The following STX16 variants were observed in gnomAD, a reference collection of about 807,000 sequenced individuals.
STX16 encodes syntaxin 16.
In STX16, 28 loss-of-function variants were observed where a neutral mutation model predicts 42.7. The ratio of observed to expected loss-of-function variants is 0.66; its 90% confidence interval spans 0.49 to 0.90. The LOEUF is 0.90. STX16 is among the 40% of genes least tolerant of loss of function. The probability of loss-of-function intolerance (pLI) is 0.00; values close to 1 mark genes in which losing one functional copy is unlikely to be tolerated. For missense variants in STX16, 361 were observed against 420.9 expected (o/e 0.86, Z 1.24); for synonymous variants, 156 against 155.2 (o/e 1.00, Z -0.04).
At chr20:58,660,344 A>T (rs2083670429) in intron 2 of STX16, among the ~76,000 whole-genome samples, 1 of 152,212 alleles carries the variant, frequency 6.6e-6, no homozygotes, top group Admixed American at 6.5e-5. Flanking sequence ...ATTTTTCCTG[A>T]GTATAGACCT....
At chr20:58,664,435 A>G (rs943182738) in intron 2 of STX16, among the ~76,000 whole-genome samples, 17 of 152,244 alleles carry the variant, frequency 1.1e-4, no homozygotes, top group African/African-American at 4.1e-4. Flanking sequence ...CGCTATTTAA[A>G]GTTTTCATTC....
intron 2 of STX16, among the ~76,000 whole-genome samples, chr20:58,665,025 A>G (rs1328719696): frequency 6.6e-6 from 1 of 152,210 alleles, no homozygotes; most frequent in Non-Finnish European, 1.5e-5. Flanking sequence ...TGTAGACAGC[A>G]CCTGATGTAT....
intron 8 of STX16, 83 bp from the exon 9 acceptor site, chr20:58,676,103 TG>T: frequency 9.1e-7 from 1 of 1,096,716 alleles, no homozygotes. Flanking sequence ...CAGAGAGATC[TG>T]GAAGCCTCAT....
At chr20:58,672,200 T>A (rs2083994844) in intron 7 of STX16, among the ~76,000 whole-genome samples, 2 of 152,064 alleles carry the variant, frequency 1.3e-5, no homozygotes, top group South Asian at 4.1e-4. Flanking sequence ...CTGGGCATGG[T>A]GGCAGGTGCC....
In STX16 at chr20:58,676,231, A is replaced by G; in HGVS notation, c.918A>G (p.Leu306=). The G allele has an allele frequency of 6.2e-7, 1 of 1,614,154 alleles. No homozygotes were observed. Among genetic ancestry groups the G allele is most frequent in the Middle Eastern group, 1.6e-4 (1 of 6,062 alleles). Residue 306 remains leucine, a synonymous_variant, in exon 9 of 9, where the codon TTA becomes TTG. Coordinates refer to ENST00000371141, the MANE Select transcript of STX16 (RefSeq NM_001001433.3). The part of the protein sequence containing the change: ...QKKNRKMLVI[L]ILFVIIIVLI... ...AGAATCGGAAGATGCTTGTGATTTTAATATTATTTGTCATCATCATTGTGC... is the reference window on the plus strand; with the variant it reads ...AGAATCGGAAGATGCTTGTGATTTTGATATTATTTGTCATCATCATTGTGC...
chr20:58,653,589 G>A (rs1237585703), intron 1 of STX16, among the ~76,000 whole-genome samples: 8 of 152,116 alleles, frequency 5.3e-5, no homozygotes, highest in Admixed American at 5.2e-4. Context: ...CATAGAAACA[G>A]GCTAATTCTA....
intron 2 of STX16, among the ~76,000 whole-genome samples, chr20:58,660,713 CTTTTTTTTTT>C (rs10706096): frequency 0.013 from 939 of 70,750 alleles, 15 homozygotes; most frequent in Middle Eastern, 0.077. Context: ...ATTCCTGCTC[CTTTTTTTTTT>C]TTTTTTTTTT....
chr20:58,673,433 C>G (rs1485281557), intron 7 of STX16, among the ~76,000 whole-genome samples, 198 bp from the exon 8 acceptor site: 2 of 152,294 alleles, frequency 1.3e-5, no homozygotes, highest in Non-Finnish European at 2.9e-5. Flanking sequence ...TGTGATGGCA[C>G]TAACCAGCAT....
rs2083867276 is a variant in STX16 at position 58,667,601 on chromosome 20, A to G, written c.252+4A>G. 6.2e-7 allele frequency: 1 copy of G among 1,609,536 alleles called. No homozygotes were observed. On this transcript the variant is annotated splice_donor_region_variant and intron_variant, in intron 3 of 8. Coordinates refer to ENST00000371141, the MANE Select transcript of STX16 (RefSeq NM_001001433.3). ...GTGGGTGGATGGAGTGGATGAAGTAAGTTCCATGTTAGTTTCATAGCATCT... is the reference window on the plus strand; with the variant it reads ...GTGGGTGGATGGAGTGGATGAAGTAGGTTCCATGTTAGTTTCATAGCATCT...
rs1334911747 is a variant in STX16, at chr20:58,657,797, G to T, written c.133-1826G>T. Among the ~76,000 whole-genome samples the T allele has an allele frequency of 6.6e-6, 1 of 152,124 alleles. No individual in the cohort carries two copies. Among genetic ancestry groups the T allele is most frequent in the Non-Finnish European group, 1.5e-5 (1 of 68,022 alleles). ...TCTATTTTTAAATAGCAGAATGGTG[G>T]GGAGGGTCTTTGAAAAGGTGACCTT... On this transcript the variant is annotated intron_variant, in intron 1 of 8. Transcript: ENST00000371141. This position sits in a 1 kb window ranked among gnomAD's most constrained non-coding sequence, Gnocchi z 4.2.
At chr20:58,674,543 G>T (rs765548316) in intron 8 of STX16, among the ~76,000 whole-genome samples, 4 of 152,120 alleles carry the variant, frequency 2.6e-5, no homozygotes, top group African/African-American at 9.7e-5. Context: ...GAAATCAGTC[G>T]CTTCCTATAC....
chr20:58,663,764 G>A (rs748657468), intron 2 of STX16, among the ~76,000 whole-genome samples: 5 of 152,080 alleles, frequency 3.3e-5, no homozygotes, highest in Non-Finnish European at 7.4e-5. Flanking sequence ...TGCAACTTCT[G>A]CCTTCCGGGT....
chr20:58,651,982 A>G lies in STX16; in HGVS notation c.-25A>G. ...AATATAAGTGGGCGGGGGGCCCCTG[A>G]GAGGGGGGTCGCAAAGGGTGAGACA... On this transcript the variant is annotated 5_prime_UTR_variant, in exon 1 of 9. Transcript: ENST00000371141. The G allele has an allele frequency of 6.2e-7, 1 of 1,612,518 alleles. No individual in the cohort carries two copies. The highest frequency in any genetic ancestry group is 8.5e-7 in the Non-Finnish European group (1 of 1,178,666).
In STX16 at chr20:58,674,842, T is replaced by G. The variant is rs2084065096; in HGVS notation, c.873+1131T>G. On this transcript the variant is annotated intron_variant, in intron 8 of 8. Transcript: ENST00000371141. ...GATGTGCTGCTGAATTATGCATTGG[T>G]TTTGAAGTTTCTTAAATAAAAACTA... Among the ~76,000 whole-genome samples, 4 of 152,224 alleles carry G rather than the reference T, an allele frequency of 2.6e-5. No homozygotes were observed. In the South Asian group the frequency reaches 8.3e-4, roughly 31 times the overall value.
chr20:58,653,957 T>C (rs930607727), intron 1 of STX16, among the ~76,000 whole-genome samples: 3 of 151,874 alleles, frequency 2.0e-5, no homozygotes, highest in Admixed American at 6.6e-5. Flanking sequence ...CTTTAGAAAA[T>C]TATTTTCTAA....
At chr20:58,666,536 C>G (rs1340846212) in intron 2 of STX16, among the ~76,000 whole-genome samples, 1 of 148,894 alleles carries the variant, frequency 6.7e-6, no homozygotes, top group Non-Finnish European at 1.5e-5. Flanking sequence ...TCAAGGGATT[C>G]TCCTGCCTCA....
intron 8 of STX16, among the ~76,000 whole-genome samples, chr20:58,675,430 C>G (rs1309096656): frequency 6.6e-6 from 1 of 152,226 alleles, no homozygotes; most frequent in Non-Finnish European, 1.5e-5. Flanking sequence ...CAGTGCTCTG[C>G]GTCTTTCGCC....
At position 58,678,655 on chromosome 20, in the gene STX16, A is replaced by AAAC. The variant is rs1186091561; in HGVS notation, c.*2366_*2367insCAA. 6.6e-6 allele frequency: 1 copy of AAAC among 151,778 alleles called. No homozygotes were observed. The highest frequency in any genetic ancestry group is 6.6e-5 in the Admixed American group (1 of 15,232). The allele number at this position is 151,778 out of a possible 1,614,324, so 9.4% of individuals were successfully genotyped here. ...GCTCCGTCTCAAAAAAAAAAAAAAAAAATTGTTTTAGCGCTGGGTTTCCCA... is the reference window on the plus strand; with the variant it reads ...GCTCCGTCTCAAAAAAAAAAAAAAAAAACAATTGTTTTAGCGCTGGGTTTCCCA... On this transcript the variant is annotated 3_prime_UTR_variant, in exon 9 of 9. Coordinates refer to ENST00000371141, the MANE Select transcript of STX16 (RefSeq NM_001001433.3).
chr20:58,666,108 G>A (rs1396445855), intron 2 of STX16, among the ~76,000 whole-genome samples: 1 of 151,974 alleles, frequency 6.6e-6, no homozygotes, highest in Non-Finnish European at 1.5e-5. Flanking sequence ...TATTAGAAAA[G>A]CAAATAAGTA....
Sources: gnomAD v4.1 joint callset for allele counts (sites outside exome capture counted in the v4.1 genomes callset) on GRCh38, gnomAD v4.1.1 for gene constraint, Gnocchi (gnomAD v3.1) non-coding constraint, MANE v1.5 for transcripts, NCBI Gene and HGNC (gene_info 2026-07-23, HGNC 2026-07-21) for gene names.